Variants in GTPBP3 observed in about 807,000 individuals in gnomAD.
The protein encoded by GTPBP3 is GTP binding protein 3, mitochondrial.
In GTPBP3, 35 loss-of-function variants were observed where a neutral mutation model predicts 42.0. That is an observed-to-expected ratio of 0.83 (90% CI 0.64 to 1.10). The LOEUF is 1.10. GTPBP3 is among the 50% of genes least tolerant of loss of function. The probability of loss-of-function intolerance (pLI) is 0.00; values close to 1 mark genes in which losing one functional copy is unlikely to be tolerated. For missense variants in GTPBP3, 691 were observed against 685.2 expected (o/e 1.01, Z -0.09); for synonymous variants, 332 against 314.9 (o/e 1.05, Z -0.58).
chr19:17,336,720 G>C (rs2074371767), upstream of GTPBP3: 1 of 152,146 alleles, frequency 6.6e-6, no homozygotes, highest in South Asian at 2.1e-4. Flanking sequence ...GCTTTATTCC[G>C]AGTTTCAGTG....
chr19:17,340,898 C>T (rs1420011539), intron 7 of GTPBP3, 146 bp from the exon 8 acceptor site: 10 of 824,122 alleles, frequency 1.2e-5, no homozygotes, highest in East Asian at 5.4e-5. Flanking sequence ...AACATTCTGC[C>T]GGTCCCCTGG....
In GTPBP3 at chr19:17,341,225, C is replaced by G. The variant is rs763886108; in HGVS notation, c.1156C>G (p.Pro386Ala). 3.1e-6 allele frequency: 5 copies of G among 1,608,270 alleles called. No homozygotes were observed. Among genetic ancestry groups the G allele is most frequent in the Middle Eastern group, 1.7e-4 (1 of 6,046 alleles). Residue 386 changes from proline to alanine, a missense_variant, in exon 8 of 9, where the codon CCC becomes GCC. Coordinates refer to ENST00000324894, the MANE Select transcript of GTPBP3 (RefSeq NM_032620.4). The part of the protein sequence containing the change: ...SDLLSPEGPG[P>A]GPDLPPHLLL... ...CCTGCTGTCCCCGGAGGGCCCAGGT[C>G]CCGGTCCTGACCTGCCCCCGCACCT... is the stretch of plus-strand genomic sequence containing the variant.
Position 17,338,019 on chromosome 19 carries a change from G to T in GTPBP3, c.65G>T (p.Arg22Leu). The T allele has an allele frequency of 1.3e-6, 2 of 1,597,670 alleles. No individual in the cohort carries two copies. Among genetic ancestry groups the T allele is most frequent in the Non-Finnish European group, 1.7e-6 (2 of 1,179,452 alleles). The change falls in exon 2 of 9, where the codon CGC (arginine) becomes CTC (leucine). Residue 22 changes from arginine to leucine, a missense_variant. Arg to Leu is a moderately radical substitution (Grantham distance 102). Transcript: ENST00000324894. ...AARGPRRLCT[R>L]RSSGAPAPGS... ...CCCTCCGGTTCCAGATTGTGCACGC[G>T]CCGGAGCAGCGGCGCACCAGCCCCC...
At position 17,338,228 on chromosome 19, in the gene GTPBP3, G is replaced by C. The variant is rs1240142083; in HGVS notation, c.274G>C (p.Asp92His). ...CGATCCCCGCTCCGGGGAGCCTCTG[G>C]ACCGCGCACTGGTGCTCTGGTTCCC... The part of the protein sequence containing the change: ...LSDPRSGEPL[D>H]RALVLWFPGP... Residue 92 changes from aspartate to histidine, a missense_variant, in exon 2 of 9, where the codon GAC becomes CAC. Coordinates refer to ENST00000324894, the MANE Select transcript of GTPBP3 (RefSeq NM_032620.4). 6.9e-6 allele frequency: 11 copies of C among 1,584,336 alleles called. No individual in the cohort carries two copies. The Admixed American group carries it at 1.6e-4, about 23-fold the overall frequency.
In GTPBP3 at chr19:17,338,707, A is replaced by G. The variant is rs1380193261; in HGVS notation, c.557A>G (p.His186Arg). Reference protein sequence around the residue: ...ALRQLDGELGHLCRGWAETLT... With the variant: ...ALRQLDGELGRLCRGWAETLT... ...AGGCAGCTGGACGGAGAGCTGGGCC[A>G]CCTCTGCCGTGGCTGGGCCGAGACC... Residue 186 changes from histidine (H) to arginine (R), a missense_variant, in exon 4 of 9, where the codon CAC (histidine) becomes CGC (arginine). Physicochemically the swap from His to Arg is conservative, Grantham distance 29 (BLOSUM62 0). Coordinates refer to ENST00000324894, the MANE Select transcript of GTPBP3 (RefSeq NM_032620.4). 3 of 1,612,426 alleles carry G rather than the reference A, an allele frequency of 1.9e-6. No homozygotes were observed. The African/African-American group carries it at 4.0e-5, about 22-fold the overall frequency.
At position 17,341,656 on chromosome 19, in the gene GTPBP3, G is replaced by C. The variant is rs538595233; in HGVS notation, c.1432G>C (p.Glu478Gln). The part of the protein sequence containing the change: ...LTRLTGGGGT[E>Q]EILDIIFQDF... ...CCGGCTCACAGGTGGAGGGGGTACC[G>C]AGGAGATCCTGGACATCATCTTCCA... is the stretch of plus-strand genomic sequence containing the variant. The change falls in exon 9 of 9, where the codon GAG (glutamate) becomes CAG (glutamine). Residue 478 changes from glutamate to glutamine, a missense_variant. By Grantham distance (29) the Glu-to-Gln change is conservative (BLOSUM62 2). Coordinates refer to ENST00000324894, the MANE Select transcript of GTPBP3 (RefSeq NM_032620.4). 2.9e-5 allele frequency: 46 copies of C among 1,606,830 alleles called. No individual in the cohort carries two copies. In the East Asian group the frequency reaches 9.8e-4, roughly 34 times the overall value.
At chr19:17,337,399 A>T, upstream of GTPBP3, 1 of 995,442 alleles carries the variant, frequency 1.0e-6, no homozygotes, top group Non-Finnish European at 1.3e-6. Flanking sequence ...CGCTACACCT[A>T]CCTCCATACC....
At chr19:17,337,702 G>A in intron 1 of GTPBP3, 38 bp downstream of exon 1, 1 of 1,382,678 alleles carries the variant, frequency 7.2e-7, no homozygotes, top group Non-Finnish European at 9.4e-7. Flanking sequence ...AGCTTGGGGT[G>A]CTGCTTGGAC....
rs778983997 is a variant in GTPBP3 at position 17,339,131 on chromosome 19, G to A, written c.673G>A (p.Glu225Lys). 7.4e-6 allele frequency: 12 copies of A among 1,614,066 alleles called. No homozygotes were observed. The highest frequency in any genetic ancestry group is 1.3e-5 in the African/African-American group (1 of 75,060). The change falls in exon 6 of 9, where the codon GAA becomes AAA. Residue 225 changes from glutamate to lysine, a missense_variant. Transcript: ENST00000324894. ...EEGVLEQADI[E>K]VRALQVALGA... ...CCTTCTCTCACCCACAGCCGACATC[G>A]AAGTACGGGCACTGCAGGTGGCCCT...
In GTPBP3 at chr19:17,338,951, C is replaced by A. The variant is rs775449994; in HGVS notation, c.592-3C>A. 2 of 1,592,410 alleles carry A rather than the reference C, an allele frequency of 1.3e-6. No individual in the cohort carries two copies. The highest frequency in any genetic ancestry group is 2.7e-5 in the African/African-American group (2 of 74,648). ...ACCACCTCTGCTCTCCCTGCCCCGC[C>A]AGGCTCTGGCCCACGTGGAGGCCTA... On this transcript the variant is annotated splice_region_variant and splice_polypyrimidine_tract_variant and intron_variant, in intron 4 of 8. Coordinates refer to ENST00000324894, the MANE Select transcript of GTPBP3 (RefSeq NM_032620.4).
In GTPBP3 at chr19:17,339,251, C is replaced by A. The variant is rs748124728; in HGVS notation, c.793C>A (p.Leu265Ile). 6.2e-7 allele frequency: 1 copy of A among 1,606,826 alleles called. No individual in the cohort carries two copies. The highest frequency in any genetic ancestry group is 1.1e-5 in the South Asian group (1 of 90,820). Residue 265 changes from leucine (L) to isoleucine (I), a missense_variant, in exon 6 of 9, where the codon CTA becomes ATA. Leu to Ile is a conservative substitution (Grantham distance 5, BLOSUM62 2). Transcript: ENST00000324894. ...ACCCCCCAATGCGGGCAAGAGCAGC[C>A]TAGTGAACCTGCTCAGTGAGTAGGC... Reference protein sequence around the residue: ...TGPPNAGKSSLVNLLSRKPVS... With the variant: ...TGPPNAGKSSIVNLLSRKPVS...
In GTPBP3 at chr19:17,338,041, C is replaced by T. The variant is rs765219356; in HGVS notation, c.87C>T (p.Ala29=). 24 of 1,597,974 alleles carry T rather than the reference C, an allele frequency of 1.5e-5. 1 individual carries two copies. Among genetic ancestry groups the T allele is most frequent in the Non-Finnish European group, 1.9e-5 (22 of 1,179,482 alleles). The change falls in exon 2 of 9, where the codon GCC becomes GCT. Residue 29 remains alanine (A), a synonymous_variant. Transcript: ENST00000324894. The part of the protein sequence containing the change: ...LCTRRSSGAP[A]PGSGATIFAL... ...CGCGCCGGAGCAGCGGCGCACCAGC[C>T]CCCGGCTCCGGCGCCACCATCTTCG...
At position 17,339,444 on chromosome 19, in the gene GTPBP3, T is replaced by A; in HGVS notation, c.819T>A (p.Pro273=). Residue 273 remains proline, a synonymous_variant, in exon 7 of 9, where the codon CCT becomes CCA. Coordinates refer to ENST00000324894, the MANE Select transcript of GTPBP3 (RefSeq NM_032620.4). ...SSLVNLLSRK[P]VSIVSPEPGT... ...CTGACCCTCCCCCAGGTCGGAAGCC[T>A]GTGTCCATCGTGTCCCCGGAGCCAG... The A allele has an allele frequency of 6.2e-7, 1 of 1,613,766 alleles. No individual in the cohort carries two copies. The highest frequency in any genetic ancestry group is 8.5e-7 in the Non-Finnish European group (1 of 1,179,940).
chr19:17,337,158 G>C (rs1340300312), upstream of GTPBP3: 2 of 157,460 alleles, frequency 1.3e-5, no homozygotes, highest in Non-Finnish European at 2.8e-5. Flanking sequence ...ACGTAAAGAG[G>C]TGTAGTCCCT....
chr19:17,339,039 G>A lies in GTPBP3; in HGVS notation c.664+13G>A. The A allele has an allele frequency of 1.2e-6, 2 of 1,614,168 alleles. No individual in the cohort carries two copies. Among genetic ancestry groups the A allele is most frequent in the Non-Finnish European group, 1.7e-6 (2 of 1,179,990 alleles). ...GTCCTGGAGCAAGGTGGGTCTACCTGGTGGTGGGGGAGGAAGACACCTCAT... is the reference window on the plus strand; with the variant it reads ...GTCCTGGAGCAAGGTGGGTCTACCTAGTGGTGGGGGAGGAAGACACCTCAT... On this transcript the variant is annotated intron_variant, in intron 5 of 8. Coordinates refer to ENST00000324894, the MANE Select transcript of GTPBP3 (RefSeq NM_032620.4).
chr19:17,339,479 G>C lies in GTPBP3; in HGVS notation c.854G>C (p.Arg285Pro). 6.2e-7 allele frequency: 1 copy of C among 1,613,982 alleles called. No individual in the cohort carries two copies. The highest frequency in any genetic ancestry group is 8.5e-7 in the Non-Finnish European group (1 of 1,179,992). The change falls in exon 7 of 9, where the codon CGT becomes CCT. Residue 285 changes from arginine (R) to proline (P), a missense_variant. By Grantham distance (103) the Arg-to-Pro change is moderately radical (BLOSUM62 -2). Transcript: ENST00000324894. ...GTGTCCCCGGAGCCAGGGACCACCC[G>C]TGACGTGCTGGAGACCCCAGTCGAC... is the stretch of plus-strand genomic sequence containing the variant. ...SIVSPEPGTT[R>P]DVLETPVDLA...
Position 17,341,348 on chromosome 19 carries a change from C to A in GTPBP3, c.1253+26C>A, listed in dbSNP as rs758712952. 2.5e-6 allele frequency: 4 copies of A among 1,570,064 alleles called. No individual in the cohort carries two copies. The East Asian group carries it at 6.8e-5, about 27-fold the overall frequency. On this transcript the variant is annotated intron_variant, in intron 8 of 8. Coordinates refer to ENST00000324894, the MANE Select transcript of GTPBP3 (RefSeq NM_032620.4). ...GTGAGCCCCCTCCCACTCCCAGCCTCCCCTGACCCACAGTTTAAGTGTGGG... is the reference window on the plus strand; with the variant it reads ...GTGAGCCCCCTCCCACTCCCAGCCTACCCTGACCCACAGTTTAAGTGTGGG...
Position 17,338,553 on chromosome 19 carries a change from C to T in GTPBP3, c.403C>T (p.Leu135Phe). 1.2e-6 allele frequency: 2 copies of T among 1,613,732 alleles called. No homozygotes were observed. Among genetic ancestry groups the T allele is most frequent in the South Asian group, 1.1e-5 (1 of 91,044 alleles). Residue 135 changes from leucine (L) to phenylalanine (F), a missense_variant, in exon 4 of 9, where the codon CTT (leucine) becomes TTT (phenylalanine). Leu to Phe is a conservative substitution (Grantham distance 22). Coordinates refer to ENST00000324894, the MANE Select transcript of GTPBP3 (RefSeq NM_032620.4). ...VLQALGSVPG[L>F]RPAEAGEFTR... ...CCTTCCTGCAGGCAGCGTGCCAGGG[C>T]TTCGACCGGCGGAGGCAGGCGAGTT... is the stretch of plus-strand genomic sequence containing the variant.
At chr19:17,338,869 C>T in intron 4 of GTPBP3, 85 bp from the exon 5 acceptor site, 4 of 1,537,618 alleles carry the variant, frequency 2.6e-6, no homozygotes, top group South Asian at 1.3e-5. Context: ...GCCATTCTGG[C>T]CCCTGAAGTC....
Sources: gnomAD v4.1 joint callset for allele counts on GRCh38, gnomAD v4.1.1 for gene constraint, MANE v1.5 for transcripts, NCBI Gene and HGNC (gene_info 2026-07-23, HGNC 2026-07-21) for gene names.